LRP1B: variants seen among roughly 807,000 people sequenced by gnomAD.
LRP1B encodes the protein LDL receptor related protein 1B.
LRP1B carries 217 observed loss-of-function variants against 556.6 expected under a neutral mutation model. That is an observed-to-expected ratio of 0.39 (90% CI 0.35 to 0.44). The LOEUF is 0.44. Among genes scored for constraint, LRP1B ranks in the 20% least tolerant of loss-of-function variants. The pLI, the probability that LRP1B is intolerant of heterozygous loss-of-function variation, is 1.00. For synonymous variants in LRP1B, 2,047 were observed against 1,865.8 expected, an observed-to-expected ratio of 1.10 and a Z score of -2.50; for missense variants, 5,053 against 5,620.8, an observed-to-expected ratio of 0.90 and a Z score of 3.23.
intron 66 of LRP1B, among the ~76,000 whole-genome samples, chr2:140,402,330 G>A (rs535853473): frequency 3.0e-4 from 45 of 152,254 alleles, no homozygotes; most frequent in South Asian, 6.2e-4. Context: ...AAGTCAGGAA[G>A]CCTTGAGGCT....
At chr2:140,781,383 T>C (rs958042918) in intron 32 of LRP1B, among the ~76,000 whole-genome samples, 1 of 152,238 alleles carries the variant, frequency 6.6e-6, no homozygotes. Context: ...AAATTTTAAA[T>C]TCTCTTATCA....
intron 67 of LRP1B, among the ~76,000 whole-genome samples, chr2:140,381,259 A>G (rs2105189113): frequency 6.6e-6 from 1 of 152,296 alleles, no homozygotes; most frequent in African/African-American, 2.4e-5. Context: ...TTCAGACTTT[A>G]TCATGATACT....
At chr2:140,265,007 T>C (rs1261075756) in intron 86 of LRP1B, among the ~76,000 whole-genome samples, 1 of 152,060 alleles carries the variant, frequency 6.6e-6, no homozygotes, top group East Asian at 1.9e-4. Context: ...AGAATAGTAG[T>C]AGTGGGGCAG....
chr2:141,260,147 C>T (rs1459608870), intron 3 of LRP1B, among the ~76,000 whole-genome samples: 1 of 151,964 alleles, frequency 6.6e-6, no homozygotes, highest in African/African-American at 2.4e-5. Context: ...AATTTTTCAC[C>T]TGAAAGCAAA....
rs533114898 is a variant in LRP1B, at chr2:141,012,942, A to G, written c.2380+614T>C. Reference sequence around the variant, plus strand: ...TTTACTAAACTGTTTTCTTCATTCAATACCTAAATTCTGAGTAATGCTATG... The same window carrying G: ...TTTACTAAACTGTTTTCTTCATTCAGTACCTAAATTCTGAGTAATGCTATG... On this transcript the variant is annotated intron_variant, in intron 14 of 90. Coordinates refer to ENST00000389484, the MANE Select transcript of LRP1B (RefSeq NM_018557.3). Among the ~76,000 whole-genome samples, 379 of 152,014 alleles carry G rather than the reference A, an allele frequency of 2.5e-3. 1 individual carries two copies. Among genetic ancestry groups the G allele is most frequent in the African/African-American group, 8.4e-3 (350 of 41,562 alleles).
chr2:141,810,179 AAGAAAGAATCATCT>A, intron 2 of LRP1B, 86 bp downstream of exon 2: 2 of 962,474 alleles, frequency 2.1e-6, no homozygotes, highest in African/African-American at 1.7e-5. Flanking sequence ...GAAAGAAAGA[AAGAAAGAATCATCT>A]AGAACAGCAG....
chr2:140,990,139 G>T (rs1249359761), intron 16 of LRP1B, among the ~76,000 whole-genome samples: 1 of 151,952 alleles, frequency 6.6e-6, no homozygotes, highest in Non-Finnish European at 1.5e-5. Context: ...CCCAAGAGGC[G>T]GAGGTTGCAG....
intron 14 of LRP1B, among the ~76,000 whole-genome samples, chr2:141,006,378 C>T (rs79845134): frequency 0.023 from 3,523 of 152,088 alleles, 70 homozygotes; most frequent in South Asian, 0.035. Flanking sequence ...TTGGAACTTA[C>T]TCCTCCTATC....
intron 2 of LRP1B, among the ~76,000 whole-genome samples, chr2:141,650,193 T>C (rs910178579): frequency 6.6e-6 from 1 of 152,104 alleles, no homozygotes; most frequent in African/African-American, 2.4e-5. Context: ...ATGAAAGATA[T>C]AGTGTCAGGG....
At chr2:140,646,275 G>A (rs1260410883) in intron 41 of LRP1B, among the ~76,000 whole-genome samples, 2 of 152,152 alleles carry the variant, frequency 1.3e-5, no homozygotes, top group Non-Finnish European at 2.9e-5. Flanking sequence ...TTGGGTCTGT[G>A]ACAATCCATT....
At chr2:141,331,184 A>C (rs1475394116) in intron 3 of LRP1B, among the ~76,000 whole-genome samples, 1 of 152,114 alleles carries the variant, frequency 6.6e-6, no homozygotes, top group Non-Finnish European at 1.5e-5. Context: ...CCTATCCCTG[A>C]TCCTTACCTA....
Position 140,867,838 on chromosome 2 carries a change from C to G in LRP1B, c.4335-4G>C, listed in dbSNP as rs143064591. 8 of 1,522,104 alleles carry G rather than the reference C, an allele frequency of 5.3e-6. No individual in the cohort carries two copies. The East Asian group carries it at 1.9e-4, about 35-fold the overall frequency. 94.3% of individuals were successfully genotyped at this position (1,522,104 alleles called of 1,614,324 possible). A position where few individuals can be genotyped will look rare whatever the true frequency, so the allele number is the denominator to read the frequency against. ...GGCTGAATAAATAGCATCTGACCTA[C>G]AGAAAGATAAATACATGAGTAGTTT... is the stretch of plus-strand genomic sequence containing the variant. On this transcript the variant is annotated splice_region_variant and splice_polypyrimidine_tract_variant and intron_variant, in intron 26 of 90. Coordinates refer to ENST00000389484, the MANE Select transcript of LRP1B (RefSeq NM_018557.3).
intron 7 of LRP1B, among the ~76,000 whole-genome samples, chr2:141,079,199 C>A (rs1574052469): frequency 6.6e-6 from 1 of 152,168 alleles, no homozygotes; most frequent in East Asian, 1.9e-4. Flanking sequence ...AGTATTCAGA[C>A]TTCCTGTCTT....
intron 41 of LRP1B, among the ~76,000 whole-genome samples, chr2:140,653,891 G>T (rs569643153): frequency 6.6e-6 from 1 of 151,776 alleles, no homozygotes; most frequent in African/African-American, 2.4e-5. Context: ...TGAAGGTGGT[G>T]GTGGGCGCCT....
intron 1 of LRP1B, among the ~76,000 whole-genome samples, chr2:142,014,880 T>C (rs544475620): frequency 4.6e-5 from 7 of 152,192 alleles, no homozygotes; most frequent in African/African-American, 1.7e-4. Flanking sequence ...GGATGATATA[T>C]TCACTGACCC....
chr2:141,222,529 T>C (rs1489860538), intron 6 of LRP1B, among the ~76,000 whole-genome samples: 1 of 152,182 alleles, frequency 6.6e-6, no homozygotes, highest in Non-Finnish European at 1.5e-5. Flanking sequence ...ACTCATTTTA[T>C]GTGGCTAGCA....
chr2:140,935,624 G>A (rs2105278119), intron 20 of LRP1B, among the ~76,000 whole-genome samples: 1 of 152,200 alleles, frequency 6.6e-6, no homozygotes, highest in East Asian at 1.9e-4. Flanking sequence ...AAACTTTAAA[G>A]TTTGATGAAA....
At chr2:141,384,178 A>G (rs1211357983) in intron 3 of LRP1B, among the ~76,000 whole-genome samples, 1 of 152,146 alleles carries the variant, frequency 6.6e-6, no homozygotes, top group African/African-American at 2.4e-5. Context: ...AGGAGCTGAC[A>G]TGGAAAACAC....
chr2:140,586,559 G>A (rs1187684182), intron 43 of LRP1B: 1 of 152,270 alleles, frequency 6.6e-6, no homozygotes, highest in South Asian at 2.1e-4. Flanking sequence ...GCTCACTGGA[G>A]GGTCAGGACT....
Sources: allele counts gnomAD v4.1 joint callset (sites outside exome capture counted in the v4.1 genomes callset), GRCh38; gene constraint gnomAD v4.1.1; transcripts MANE v1.5; gene names NCBI Gene and HGNC (gene_info 2026-07-23, HGNC 2026-07-21).